The following LPP variants were observed in gnomAD, a reference collection of about 807,000 sequenced individuals.
LPP encodes the protein LIM domain containing preferred translocation partner in lipoma.
LPP carries 38 observed loss-of-function variants against 60.4 expected under a neutral mutation model. The ratio of observed to expected loss-of-function variants is 0.63; its 90% CI spans 0.49 to 0.83. The LOEUF (loss-of-function observed/expected upper bound fraction) is 0.83, where lower values mean the gene tolerates loss of function less well. Ranked by LOEUF, LPP falls within the 40% of genes least tolerant of loss-of-function variation. The pLI is 0.00. For missense variants in LPP, 902 were observed against 783.6 expected, an observed-to-expected ratio of 1.15 and a Z score of -1.80; for synonymous variants, 328 against 290.8, an observed-to-expected ratio of 1.13 and a Z score of -1.30.
chr3:188,359,895 T>C (rs941536122), intron 3 of LPP, among the ~76,000 whole-genome samples: 2 of 152,174 alleles, frequency 1.3e-5, no homozygotes, highest in Non-Finnish European at 2.9e-5. Flanking sequence ...CCTTAAGACC[T>C]AAAACTCGAT....
intron 5 of LPP, among the ~76,000 whole-genome samples, chr3:188,489,862 T>G (rs565059865): frequency 3.9e-5 from 6 of 152,320 alleles, no homozygotes; most frequent in African/African-American, 1.2e-4. Context: ...TAACTCTGCT[T>G]CTCTGTTTGT....
chr3:188,637,314 A>G (rs1373404677), intron 7 of LPP, among the ~76,000 whole-genome samples: 1 of 152,178 alleles, frequency 6.6e-6, no homozygotes, highest in Non-Finnish European at 1.5e-5. Context: ...TTTGAAACCA[A>G]TGAGAACAAA....
chr3:188,495,064 T>TTTTATATATATATATATATATA lies in LPP; in HGVS notation c.306+10361_306+10362insTTATATATATATATATATATAT, dbSNP rs1430620373. Among the ~76,000 whole-genome samples, 7 of 53,880 alleles carry TTTTATATATATATATATATATA rather than the reference T, an allele frequency of 1.3e-4. No individual in the cohort carries two copies. In the Admixed American group the frequency reaches 1.8e-3, roughly 14 times the overall value. The allele number at this position is 53,880 out of a possible 152,430, so 35.3% of individuals were successfully genotyped here. On this transcript the variant is annotated intron_variant, in intron 5 of 11. Transcript: ENST00000617246. ...CCTTGCTATTATAAGGTTCAGGATT[T>TTTTATATATATATATATATATA]TATATATATATATATATATTTTATT...
rs1336581797 is a variant in LPP, at chr3:188,882,181, TAGTAAGACTTTATGG to T, written c.*7707_*7721del. On this transcript the variant is annotated 3_prime_UTR_variant, in exon 12 of 12. Coordinates refer to ENST00000617246, the MANE Select transcript of LPP (RefSeq NM_001375462.1). ...TCAGGAAGAGTCATTCCAGTGACAT[TAGTAAGACTTTATGG>T]AGTACATAAAATTTGATAAGAAATC... 2 of 213,934 alleles carry T rather than the reference TAGTAAGACTTTATGG, an allele frequency of 9.3e-6. No individual in the cohort carries two copies. The highest frequency in any genetic ancestry group is 1.9e-5 in the Non-Finnish European group (2 of 105,958). The allele number at this position is 213,934 out of a possible 1,614,324, so 13.3% of individuals were successfully genotyped here.
At chr3:188,471,541 A>G (rs1477153520) in intron 4 of LPP, among the ~76,000 whole-genome samples, 1 of 152,174 alleles carries the variant, frequency 6.6e-6, no homozygotes, top group Non-Finnish European at 1.5e-5. Context: ...AGGGTTTTCC[A>G]CCTTTGTGAT....
In LPP at chr3:188,609,912, G is replaced by A; in HGVS notation, c.1113+68G>A. On this transcript the variant is annotated intron_variant, in intron 7 of 11. Coordinates refer to ENST00000617246, the MANE Select transcript of LPP (RefSeq NM_001375462.1). The surrounding 1 kb of genome is among the most constrained non-coding windows in gnomAD (Gnocchi z 6.9). ...TATCTTAGTCTGCCTTCCCCAGGAAGCGAAGCCTAAGGCAAAAGTGTGTGT... is the reference window on the plus strand; with the variant it reads ...TATCTTAGTCTGCCTTCCCCAGGAAACGAAGCCTAAGGCAAAAGTGTGTGT... 6.8e-7 allele frequency: 1 copy of A among 1,477,726 alleles called. No individual in the cohort carries two copies. The highest frequency in any genetic ancestry group is 9.1e-7 in the Non-Finnish European group (1 of 1,096,660). The allele number at this position is 1,477,726 out of a possible 1,614,324, so 91.5% of individuals were successfully genotyped here.
chr3:188,475,232 G>A (rs983689639), intron 4 of LPP, among the ~76,000 whole-genome samples: 2 of 152,272 alleles, frequency 1.3e-5, no homozygotes, highest in Non-Finnish European at 2.9e-5. Context: ...TCAGGGAGAC[G>A]TCATCTACTT....
At chr3:188,872,559 A>T in intron 10 of LPP, 84 bp from the exon 11 acceptor site, 1 of 1,502,668 alleles carries the variant, frequency 6.7e-7, no homozygotes, top group South Asian at 1.1e-5. Flanking sequence ...ACCGACTCTC[A>T]GTTTCCACCT....
intron 7 of LPP, among the ~76,000 whole-genome samples, chr3:188,678,541 C>T (rs929166217): frequency 1.3e-5 from 2 of 152,214 alleles, no homozygotes; most frequent in Non-Finnish European, 2.9e-5. Context: ...TAAAGACACG[C>T]AGTTCTCAAA....
intron 9 of LPP, among the ~76,000 whole-genome samples, chr3:188,858,700 A>T (rs746965058): frequency 3.0e-4 from 45 of 152,182 alleles, no homozygotes; most frequent in Non-Finnish European, 5.4e-4. Context: ...AAGCCAGTTT[A>T]TGTAGTCCAA....
chr3:188,546,586 G>A (rs906142967), intron 6 of LPP, among the ~76,000 whole-genome samples: 1 of 152,134 alleles, frequency 6.6e-6, no homozygotes, highest in Admixed American at 6.5e-5. Context: ...AGACATATGG[G>A]AGTCTACGGA....
Position 188,388,598 on chromosome 3 carries a change from G to A in LPP, c.-9-17514G>A, listed in dbSNP as rs115137132. On this transcript the variant is annotated intron_variant, in intron 3 of 11. Transcript: ENST00000617246. ...TAAAAGAACCACCTTGCTACATTCCGAAAAGGAAGGATTATTCTCATGGCA... is the reference window on the plus strand; with the variant it reads ...TAAAAGAACCACCTTGCTACATTCCAAAAAGGAAGGATTATTCTCATGGCA... Among the ~76,000 whole-genome samples the A allele has an allele frequency of 3.5e-3, 538 of 152,256 alleles. 5 individuals are homozygous for A. The highest frequency in any genetic ancestry group is 0.012 in the African/African-American group (489 of 41,546).
At chr3:188,459,839 TG>T (rs11286024) in intron 4 of LPP, among the ~76,000 whole-genome samples, 72,493 of 151,242 alleles carry the variant, frequency 0.48, 18,117 homozygotes, top group African/African-American at 0.62. Context: ...TGATTATTCA[TG>T]GGGGGGGGTT....
At chr3:188,495,083 T>TATATATATATATATATATATATA (rs57578460) in intron 5 of LPP, among the ~76,000 whole-genome samples, 48 of 77,748 alleles carry the variant, frequency 6.2e-4, no homozygotes, top group East Asian at 1.6e-3. Context: ...TATATATATA[T>TATATATATATATATATATATATA]TTTATTTATA....
At chr3:188,406,495 A>G (rs1468681708) in intron 4 of LPP, among the ~76,000 whole-genome samples, 182 bp downstream of exon 4, 1 of 152,204 alleles carries the variant, frequency 6.6e-6, no homozygotes, top group Non-Finnish European at 1.5e-5. Context: ...TTTTAGGAAA[A>G]AGACTTTTTA....
intron 6 of LPP, among the ~76,000 whole-genome samples, chr3:188,588,072 A>T (rs931530451): frequency 6.6e-6 from 1 of 152,258 alleles, no homozygotes; most frequent in Admixed American, 6.5e-5. Flanking sequence ...TTCACATTTC[A>T]CATGCAGACA....
intron 2 of LPP, chr3:188,240,243 T>C (rs531149023): frequency 5.7e-6 from 1 of 174,802 alleles, no homozygotes; most frequent in Middle Eastern, 2.3e-3. Context: ...GGTATCAAAT[T>C]TTAAGCCAAA....
At chr3:188,525,447 T>C (rs1008199071) in intron 6 of LPP, among the ~76,000 whole-genome samples, 3 of 152,242 alleles carry the variant, frequency 2.0e-5, no homozygotes, top group Non-Finnish European at 4.4e-5. Flanking sequence ...TCCATTGCCT[T>C]GCTCTTCTTA....
intron 3 of LPP, among the ~76,000 whole-genome samples, chr3:188,367,360 CAAG>C (rs1157257201): frequency 1.3e-5 from 2 of 152,080 alleles, no homozygotes; most frequent in Admixed American, 1.3e-4. Flanking sequence ...AAGAAAATCT[CAAG>C]AAGTAGAAAT....
Sources: allele counts gnomAD v4.1 joint callset (sites outside exome capture counted in the v4.1 genomes callset), GRCh38; gene constraint gnomAD v4.1.1; non-coding constraint Gnocchi (gnomAD v3.1); transcripts MANE v1.5; gene names NCBI Gene and HGNC (gene_info 2026-07-23, HGNC 2026-07-21).